The following VPS37A variants were observed in gnomAD, a reference collection of about 807,000 sequenced individuals.
VPS37A encodes vacuolar protein sorting-associated protein 37A.
Under a neutral mutation model 49.8 loss-of-function variants are expected in VPS37A, and 30 were observed. The ratio of observed to expected loss-of-function variants is 0.60; its 90% CI spans 0.45 to 0.82. The LOEUF (loss-of-function observed/expected upper bound fraction) is 0.82, where lower values mean the gene tolerates loss of function less well. Ranked by LOEUF, VPS37A falls within the 40% of genes least tolerant of loss-of-function variation. VPS37A has a pLI of 0.00. For synonymous variants in VPS37A, 195 were observed against 160.6 expected, an observed-to-expected ratio of 1.21 and a Z score of -1.62; for missense variants, 593 against 464.4, an observed-to-expected ratio of 1.28 and a Z score of -2.55.
the VPS37A span, chr8:17,331,181 G>A: frequency 1.9e-6 from 3 of 1,612,610 alleles, no homozygotes; most frequent in Non-Finnish European, 2.5e-6. Flanking sequence ...TGTTCCTCAT[G>A]ACATGGATGT....
chr8:17,302,413 C>T, downstream of VPS37A: 2 of 966,192 alleles, frequency 2.1e-6, no homozygotes, highest in Non-Finnish European at 2.9e-6. Context: ...TCAAAAAAGC[C>T]ACTACTTAAG....
intron 1 of VPS37A, among the ~76,000 whole-genome samples, chr8:17,255,420 G>A (rs1328060447): frequency 6.6e-6 from 1 of 152,156 alleles, no homozygotes; most frequent in Non-Finnish European, 1.5e-5. Context: ...GGCAGAGGTT[G>A]CAGTGAGCTG....
At chr8:17,273,352 A>T (rs1369102122) in intron 4 of VPS37A, among the ~76,000 whole-genome samples, 1 of 152,108 alleles carries the variant, frequency 6.6e-6, no homozygotes, top group Non-Finnish European at 1.5e-5. Flanking sequence ...AATGCTGCAA[A>T]ATTGCCCTCC....
At chr8:17,314,491 C>T in the VPS37A span, among the ~76,000 whole-genome samples, 2 of 152,120 alleles carry the variant, frequency 1.3e-5, no homozygotes, top group African/African-American at 4.8e-5. Flanking sequence ...TTTGTGAACT[C>T]TTTGAAAGCA....
chr8:17,316,818 T>C, the VPS37A span, among the ~76,000 whole-genome samples: 1 of 152,132 alleles, frequency 6.6e-6, no homozygotes, highest in Non-Finnish European at 1.5e-5. Flanking sequence ...CACCATGTTA[T>C]TATGTAAGGG....
chr8:17,304,610 T>C (rs1176651323), downstream of VPS37A: 2 of 1,397,874 alleles, frequency 1.4e-6, no homozygotes, highest in African/African-American at 1.4e-5. Context: ...GAACTAATAA[T>C]TGTTACCTGA....
At chr8:17,328,673 G>A in the VPS37A span, among the ~76,000 whole-genome samples, 2 of 151,974 alleles carry the variant, frequency 1.3e-5, no homozygotes, top group Non-Finnish European at 2.9e-5. Flanking sequence ...CATGGCACAC[G>A]TTCACTTATG....
chr8:17,300,879 A>C (rs928249102), downstream of VPS37A, among the ~76,000 whole-genome samples: 1 of 152,182 alleles, frequency 6.6e-6, no homozygotes, highest in Non-Finnish European at 1.5e-5. Flanking sequence ...CAACATGTGG[A>C]TTTTTGTATC....
At position 17,265,913 on chromosome 8, in the gene VPS37A, C is replaced by G. The variant is rs140443698; in HGVS notation, c.132C>G (p.Ala44=). 4 of 1,613,146 alleles carry G rather than the reference C, an allele frequency of 2.5e-6. No individual in the cohort carries two copies. The highest frequency in any genetic ancestry group is 1.1e-5 in the South Asian group (1 of 90,992). The stretch of plus-strand genomic sequence containing the variant: ...TTAAAATTTTCTCCTGCAGTATAGC[C>G]GAAATACAGAAAGATGTGGAATACA... ...ESLRNSHSSI[A]EIQKDVEYRL... is the part of the protein sequence containing the mutation. The change falls in exon 2 of 12, where the codon GCC becomes GCG. Residue 44 remains alanine (A), a synonymous_variant. Coordinates refer to ENST00000324849, the MANE Select transcript of VPS37A (RefSeq NM_152415.3).
At chr8:17,290,763 C>T (rs774725920) in intron 11 of VPS37A, among the ~76,000 whole-genome samples, 1 of 152,128 alleles carries the variant, frequency 6.6e-6, no homozygotes, top group Non-Finnish European at 1.5e-5. Flanking sequence ...GTACCAGCTT[C>T]TCTTTGTACC....
the VPS37A span, among the ~76,000 whole-genome samples, chr8:17,310,751 C>G: frequency 3.3e-5 from 5 of 152,134 alleles, no homozygotes; most frequent in African/African-American, 1.2e-4. Flanking sequence ...TAATGGAGAC[C>G]CAGCAGTAAA....
chr8:17,272,905 T>G (rs1487611220), intron 4 of VPS37A, among the ~76,000 whole-genome samples: 1 of 152,020 alleles, frequency 6.6e-6, no homozygotes, highest in East Asian at 1.9e-4. Flanking sequence ...CATCTAAAGT[T>G]ATTTGTTTGG....
chr8:17,248,955 C>T (rs945869805), intron 1 of VPS37A, among the ~76,000 whole-genome samples: 10 of 152,172 alleles, frequency 6.6e-5, no homozygotes, highest in African/African-American at 2.4e-4. Flanking sequence ...ACAAGGTATG[C>T]TTATAAAATA....
downstream of VPS37A, chr8:17,302,131 T>C (rs1235476639): frequency 6.2e-7 from 1 of 1,613,936 alleles, no homozygotes; most frequent in Non-Finnish European, 8.5e-7. Flanking sequence ...AGAAAATAGA[T>C]TAACAAAGCA....
intron 1 of VPS37A, chr8:17,247,936 A>G: frequency 1.6e-6 from 1 of 610,020 alleles, no homozygotes; most frequent in Non-Finnish European, 2.9e-6. Flanking sequence ...CACAGCGACC[A>G]GTGCATGTAC....
intron 1 of VPS37A, among the ~76,000 whole-genome samples, chr8:17,255,078 C>CAT (rs1429021854): frequency 2.6e-5 from 4 of 152,216 alleles, no homozygotes; most frequent in Non-Finnish European, 4.4e-5. Context: ...ACCCCATATT[C>CAT]ATCTCTGTAT....
At chr8:17,311,151 T>A in the VPS37A span, among the ~76,000 whole-genome samples, 1 of 152,156 alleles carries the variant, frequency 6.6e-6, no homozygotes, top group Non-Finnish European at 1.5e-5. Flanking sequence ...CCAAAATATT[T>A]TTTCTAAAAA....
At chr8:17,289,380 G>A (rs765207212) in intron 11 of VPS37A, among the ~76,000 whole-genome samples, 1 of 152,124 alleles carries the variant, frequency 6.6e-6, no homozygotes, top group Non-Finnish European at 1.5e-5. Context: ...GTTAATTTTT[G>A]TATAAGGTTA....
chr8:17,265,751 T>A, intron 1 of VPS37A, 156 bp from the exon 2 acceptor site: 1 of 1,528,202 alleles, frequency 6.5e-7, no homozygotes. Context: ...CTAACTATGA[T>A]CATTTTCCTT....
Sources: gnomAD v4.1 joint callset for allele counts (sites outside exome capture counted in the v4.1 genomes callset) on GRCh38, gnomAD v4.1.1 for gene constraint, MANE v1.5 for transcripts, NCBI Gene and HGNC (gene_info 2026-07-23, HGNC 2026-07-21) for gene names.